Variants in PINX1 observed in about 807,000 individuals in gnomAD.
The protein encoded by PINX1 is PIN2 (TERF1) interacting telomerase inhibitor 1.
PINX1 carries 34 observed loss-of-function variants against 25.4 expected under a neutral mutation model. The ratio of observed to expected loss-of-function variants is 1.34; its 90% CI spans 1.02 to 1.78. The LOEUF is 1.78. Ranked by LOEUF, PINX1 falls within the 40% of genes most tolerant of loss-of-function variation. The pLI is 0.00. For synonymous variants in PINX1, 197 were observed against 147.7 expected (o/e 1.33, Z -2.42); for missense variants, 592 against 404.9 (o/e 1.46, Z -3.97).
chr8:10,794,377 G>C (rs1156506472), intron 6 of PINX1, among the ~76,000 whole-genome samples: 1 of 151,442 alleles, frequency 6.6e-6, no homozygotes, highest in Non-Finnish European at 1.5e-5. Context: ...ATCATATATT[G>C]ACTTAAAATA....
intron 1 of PINX1, among the ~76,000 whole-genome samples, chr8:10,835,966 C>T (rs1323184499): frequency 1.3e-5 from 2 of 152,048 alleles, no homozygotes; most frequent in Non-Finnish European, 2.9e-5. Context: ...AGGTTCAAAG[C>T]ACAAGAATGT....
chr8:10,795,525 C>A (rs1586162159), intron 6 of PINX1, among the ~76,000 whole-genome samples: 1 of 152,212 alleles, frequency 6.6e-6, no homozygotes, highest in East Asian at 1.9e-4. Context: ...CTCAGCATCC[C>A]AAGTAGCTGG....
chr8:10,808,867 C>T (rs1802537461), intron 6 of PINX1, among the ~76,000 whole-genome samples: 2 of 152,244 alleles, frequency 1.3e-5, no homozygotes, highest in Admixed American at 6.5e-5. Flanking sequence ...CACAAAAACA[C>T]AGCCTAAAAA....
intron 6 of PINX1, among the ~76,000 whole-genome samples, chr8:10,804,950 G>A (rs964201751): frequency 3.9e-5 from 6 of 151,916 alleles, no homozygotes; most frequent in African/African-American, 1.5e-4. Flanking sequence ...CCCCCGAGAA[G>A]ACTTGGTTTG....
rs140339012 is a variant in PINX1 at position 10,803,067 on chromosome 8, T to C, written c.471+17126A>G. On this transcript the variant is annotated intron_variant, in intron 6 of 6. Coordinates refer to ENST00000314787, the MANE Select transcript of PINX1 (RefSeq NM_017884.6). ...GACTAAATAAATATTAAAGAACATA[T>C]TATTAGTAGATTAAAAAAACTTTTT... Among the ~76,000 whole-genome samples, 164 of 152,246 alleles carry C rather than the reference T, an allele frequency of 1.1e-3. 1 individual carries two copies. Among genetic ancestry groups the C allele is most frequent in the Non-Finnish European group, 1.7e-3 (117 of 68,018 alleles).
chr8:10,794,322 C>T (rs866546395), intron 6 of PINX1, among the ~76,000 whole-genome samples: 3 of 152,130 alleles, frequency 2.0e-5, no homozygotes, highest in African/African-American at 2.4e-5. Flanking sequence ...TTTCCGTTAA[C>T]CTACACAGAA....
chr8:10,805,455 G>A (rs891370614), intron 6 of PINX1, among the ~76,000 whole-genome samples: 1 of 152,028 alleles, frequency 6.6e-6, no homozygotes, highest in South Asian at 2.1e-4. Flanking sequence ...CTAGTGCTGA[G>A]TGGGTGGCAG....
chr8:10,834,720 G>A lies in PINX1; in HGVS notation c.75C>T (p.Asp25=), dbSNP rs200494542. Residue 25 remains aspartate (D), a synonymous_variant, in exon 2 of 7, where the codon GAC becomes GAT. Coordinates refer to ENST00000314787, the MANE Select transcript of PINX1 (RefSeq NM_017884.6). ...VDPQNTAWSN[D]DSKFGQRMLE... is the part of the protein sequence containing the mutation. ...GCATCCGCTGGCCAAACTTGGAATC[G>A]TCATTACTCCAGGCAGTGTTCTGAG... 22 of 1,613,604 alleles carry A rather than the reference G, an allele frequency of 1.4e-5. No individual in the cohort carries two copies. The highest frequency in any genetic ancestry group is 6.7e-5 in the African/African-American group (5 of 74,864).
intron 5 of PINX1, among the ~76,000 whole-genome samples, chr8:10,824,378 C>G (rs1358094949): frequency 6.6e-6 from 1 of 152,206 alleles, no homozygotes; most frequent in Non-Finnish European, 1.5e-5. Context: ...TTCTCCCTTT[C>G]CTACGTAGGC....
chr8:10,804,450 C>A (rs1202831487), intron 6 of PINX1, among the ~76,000 whole-genome samples: 2 of 152,120 alleles, frequency 1.3e-5, no homozygotes, highest in Non-Finnish European at 2.9e-5. Context: ...ATCAGGGAAG[C>A]AGATTAGCGT....
intron 3 of PINX1, among the ~76,000 whole-genome samples, chr8:10,832,345 G>A (rs1586210828): frequency 6.6e-6 from 1 of 152,074 alleles, no homozygotes; most frequent in Admixed American, 6.5e-5. Context: ...TGGGAAGCAG[G>A]GTTTCAGTGT....
chr8:10,790,937 G>C (rs1054204651), intron 6 of PINX1, among the ~76,000 whole-genome samples: 1 of 152,056 alleles, frequency 6.6e-6, no homozygotes, highest in African/African-American at 2.4e-5. Flanking sequence ...TATTGAGACA[G>C]AGTATCCCAC....
intron 6 of PINX1, chr8:10,787,714 G>A (rs950562300): frequency 5.1e-5 from 22 of 435,122 alleles, no homozygotes; most frequent in Middle Eastern, 3.3e-4. Context: ...GTCAGTGTAC[G>A]GTCTCTTTAC....
chr8:10,803,492 C>T (rs1290092626), intron 6 of PINX1, among the ~76,000 whole-genome samples: 3 of 152,188 alleles, frequency 2.0e-5, no homozygotes, highest in Non-Finnish European at 2.9e-5. Flanking sequence ...TTCCCACAAT[C>T]CCATATTTTT....
intron 6 of PINX1, among the ~76,000 whole-genome samples, chr8:10,815,495 ATT>A (rs969635399): frequency 6.6e-6 from 1 of 151,926 alleles, no homozygotes; most frequent in African/African-American, 2.4e-5. Flanking sequence ...ATTTTAAGTA[ATT>A]TTTTTTTGAA....
chr8:10,807,357 T>C (rs904977463), intron 6 of PINX1, among the ~76,000 whole-genome samples: 10 of 101,440 alleles, frequency 9.9e-5, no homozygotes, highest in Non-Finnish European at 1.2e-4. Flanking sequence ...AGAACAAAGA[T>C]ACAGTAAAAT....
intron 5 of PINX1, among the ~76,000 whole-genome samples, chr8:10,821,474 T>C (rs1797865675): frequency 6.6e-6 from 1 of 152,226 alleles, no homozygotes; most frequent in African/African-American, 2.4e-5. Context: ...CTCTCCTTCC[T>C]ACCTGAGCTT....
chr8:10,792,905 T>C (rs1401229218), intron 6 of PINX1, among the ~76,000 whole-genome samples: 1 of 152,122 alleles, frequency 6.6e-6, no homozygotes, highest in Non-Finnish European at 1.5e-5. Context: ...GATGCCCCCT[T>C]ACCTCTCCCA....
chr8:10,766,429 G>A (rs1801048988), intron 6 of PINX1, among the ~76,000 whole-genome samples: 1 of 152,212 alleles, frequency 6.6e-6, no homozygotes, highest in Non-Finnish European at 1.5e-5. Flanking sequence ...GAGGACAGGA[G>A]CCGCATTCCA....
Sources: gnomAD v4.1 joint callset for allele counts (sites outside exome capture counted in the v4.1 genomes callset) on GRCh38, gnomAD v4.1.1 for gene constraint, MANE v1.5 for transcripts, NCBI Gene and HGNC (gene_info 2026-07-23, HGNC 2026-07-21) for gene names.